Variants in PDK2 observed in about 807,000 individuals in gnomAD.
The protein encoded by PDK2 is pyruvate dehydrogenase kinase, isozyme 2.
PDK2 carries 34 observed loss-of-function variants against 50.4 expected under a neutral mutation model. That is an observed-to-expected ratio of 0.68 (90% CI 0.51 to 0.90). The LOEUF is 0.90. PDK2 is among the 40% of genes least tolerant of loss of function. The pLI is 0.00. For synonymous variants in PDK2, 232 were observed against 216.0 expected (o/e 1.07, Z -0.65); for missense variants, 377 against 544.5 (o/e 0.69, Z 3.06).
chr17:50,099,136 C>T (rs1040837284), intron 2 of PDK2, among the ~76,000 whole-genome samples: 37 of 152,052 alleles, frequency 2.4e-4, no homozygotes, highest in African/African-American at 8.5e-4. Context: ...CACTTCCCAT[C>T]GTGGGTGGTG....
At chr17:50,100,065 G>T (rs146062327) in intron 2 of PDK2, among the ~76,000 whole-genome samples, 2 of 152,328 alleles carry the variant, frequency 1.3e-5, no homozygotes, top group South Asian at 2.1e-4. Context: ...CTGAGAGGAG[G>T]GGGGAGACTT....
chr17:50,107,015 G>A, intron 5 of PDK2, 61 bp from the exon 6 acceptor site: 1 of 1,501,182 alleles, frequency 6.7e-7, no homozygotes, highest in Non-Finnish European at 9.3e-7. Context: ...CAGTATCAAT[G>A]TCAGGAGGAC....
chr17:50,095,363 G>A lies in PDK2; in HGVS notation c.-73G>A. 9.0e-7 allele frequency: 1 copy of A among 1,112,540 alleles called. No individual in the cohort carries two copies. Among genetic ancestry groups the A allele is most frequent in the Non-Finnish European group, 1.3e-6 (1 of 766,200 alleles). The allele number at this position is 1,112,540 out of a possible 1,614,324, so 68.9% of individuals were successfully genotyped here. A position where few individuals can be genotyped will look rare whatever the true frequency, so the allele number is the denominator to read the frequency against. ...AGGGTAGGGAGGAGGCGGCCGAACC[G>A]CGTCGCTGGGCCGAAAGGTGCGCGA... is the stretch of plus-strand genomic sequence containing the variant. On this transcript the variant is annotated 5_prime_UTR_variant, in exon 1 of 11. Coordinates refer to ENST00000503176, the MANE Select transcript of PDK2 (RefSeq NM_002611.5).
upstream of PDK2, among the ~76,000 whole-genome samples, chr17:50,095,058 G>T (rs1192190358): frequency 6.6e-6 from 1 of 152,272 alleles, no homozygotes; most frequent in Non-Finnish European, 1.5e-5. Context: ...AAGAGGAAGC[G>T]AAAGGGCTGG....
At chr17:50,102,727 C>A (rs1192788944) in intron 2 of PDK2, among the ~76,000 whole-genome samples, 1 of 152,116 alleles carries the variant, frequency 6.6e-6, no homozygotes, top group Non-Finnish European at 1.5e-5. Context: ...TGTTAACTTC[C>A]TCATCTGTAA....
rs1909873508 is a variant in PDK2 at position 50,095,360 on chromosome 17, A to G, written c.-76A>G. ...GCAAGGGTAGGGAGGAGGCGGCCGA[A>G]CCGCGTCGCTGGGCCGAAAGGTGCG... is the stretch of plus-strand genomic sequence containing the variant. On this transcript the variant is annotated 5_prime_UTR_variant, in exon 1 of 11. Coordinates refer to ENST00000503176, the MANE Select transcript of PDK2 (RefSeq NM_002611.5). 1.8e-6 allele frequency: 2 copies of G among 1,086,260 alleles called. No homozygotes were observed. Among genetic ancestry groups the G allele is most frequent in the Non-Finnish European group, 2.7e-6 (2 of 744,034 alleles). The allele number at this position is 1,086,260 out of a possible 1,614,324, so 67.3% of individuals were successfully genotyped here.
At position 50,111,559 on chromosome 17, in the gene PDK2, G is replaced by A. The variant is rs75762778; in HGVS notation, c.*1462G>A. Reference sequence around the variant, plus strand: ...GAGTCCCAGGTACAGGGTGCTGGCCGTAAGCCACAGCCCCTGGGCAGGAAT... The same window carrying A: ...GAGTCCCAGGTACAGGGTGCTGGCCATAAGCCACAGCCCCTGGGCAGGAAT... On this transcript the variant is annotated 3_prime_UTR_variant, in exon 11 of 11. Coordinates refer to ENST00000503176, the MANE Select transcript of PDK2 (RefSeq NM_002611.5). 19,845 of 152,244 alleles carry A rather than the reference G, an allele frequency of 0.13. 1,457 individuals carry two copies. The highest frequency in any genetic ancestry group is 0.15 in the Non-Finnish European group (10,218 of 68,048). The allele number at this position is 152,244 out of a possible 1,614,324, so 9.4% of individuals were successfully genotyped here. A position where few individuals can be genotyped will look rare whatever the true frequency, so the allele number is the denominator to read the frequency against.
chr17:50,096,382 T>A (rs1909948126), intron 1 of PDK2: 1 of 758,718 alleles, frequency 1.3e-6, no homozygotes, highest in Non-Finnish European at 1.6e-6. Context: ...GTGTGGGCCC[T>A]GTCTGTCTAT....
chr17:50,095,963 A>G (rs1909916596), intron 1 of PDK2: 13 of 498,540 alleles, frequency 2.6e-5, no homozygotes, highest in Non-Finnish European at 3.4e-5. Flanking sequence ...GGGAGTGAGG[A>G]GGCAGGGTTT....
chr17:50,097,630 G>A (rs890976584), intron 2 of PDK2, 66 bp downstream of exon 2: 31 of 1,571,286 alleles, frequency 2.0e-5, no homozygotes, highest in Non-Finnish European at 2.7e-5. Flanking sequence ...CTCAGGGATG[G>A]CATCTCCAAG....
At position 50,108,473 on chromosome 17, in the gene PDK2, G is replaced by A. The variant is rs546691225; in HGVS notation, c.861+56G>A. The A allele has an allele frequency of 4.8e-6, 7 of 1,467,094 alleles. No homozygotes were observed. In the East Asian group the frequency reaches 6.8e-5, roughly 14 times the overall value. 90.9% of individuals were successfully genotyped at this position (1,467,094 alleles called of 1,614,324 possible). ...GAGCAGTAGTGGGGGCTTCCCTCCT[G>A]CCAGGAGACGGGCTTTCCTTTTCTC... On this transcript the variant is annotated intron_variant, in intron 8 of 10. Transcript: ENST00000503176.
intron 2 of PDK2, among the ~76,000 whole-genome samples, chr17:50,103,363 G>A (rs1285945090): frequency 1.3e-5 from 2 of 152,212 alleles, no homozygotes; most frequent in East Asian, 3.9e-4. Flanking sequence ...CCAACATGCT[G>A]TGATTCAGAG....
At position 50,109,372 on chromosome 17, in the gene PDK2, T is replaced by G; in HGVS notation, c.1055T>G (p.Phe352Cys). 2 of 1,612,818 alleles carry G rather than the reference T, an allele frequency of 1.2e-6. No individual in the cohort carries two copies. Among genetic ancestry groups the G allele is most frequent in the Non-Finnish European group, 1.7e-6 (2 of 1,179,196 alleles). The change falls in exon 10 of 11, where the codon TTT (phenylalanine) becomes TGT (cysteine). Residue 352 changes from phenylalanine (F) to cysteine (C), a missense_variant. Physicochemically the swap from Phe to Cys is radical, Grantham distance 205. Coordinates refer to ENST00000503176, the MANE Select transcript of PDK2 (RefSeq NM_002611.5). This position sits in a 1 kb window ranked among gnomAD's most constrained non-coding sequence, Gnocchi z 5.0. ...CTGCAGCTCTTCTCCATGGAAGGCT[T>G]TGGGACCGATGCTGTCATCTATCTC... is the stretch of plus-strand genomic sequence containing the variant. ...GDLQLFSMEG[F>C]GTDAVIYLKA...
In PDK2 at chr17:50,111,493, G is replaced by A. The variant is rs1175011302; in HGVS notation, c.*1396G>A. On this transcript the variant is annotated 3_prime_UTR_variant, in exon 11 of 11. Coordinates refer to ENST00000503176, the MANE Select transcript of PDK2 (RefSeq NM_002611.5). The stretch of plus-strand genomic sequence containing the variant: ...GTCCTCATATCTGTTTCCCTCCGAA[G>A]CCCCTCTCCCAGCACAGATAGCAGA... 1 of 152,294 alleles carries A rather than the reference G, an allele frequency of 6.6e-6. No individual in the cohort carries two copies. Among genetic ancestry groups the A allele is most frequent in the Non-Finnish European group, 1.5e-5 (1 of 68,108 alleles). 9.4% of individuals were successfully genotyped at this position (152,294 alleles called of 1,614,324 possible).
chr17:50,103,883 C>A (rs1230537137), intron 2 of PDK2, among the ~76,000 whole-genome samples: 1 of 152,112 alleles, frequency 6.6e-6, no homozygotes, highest in Non-Finnish European at 1.5e-5. Context: ...CTGGGGGAGG[C>A]TGTGCGTGGG....
In PDK2 at chr17:50,104,794, C is replaced by A. The variant is rs113276855; in HGVS notation, c.261-577C>A. ...TTCCCACCTGCCATTTTAGAATCCACTTGCCGAGGCAGGTGCCTGGCCCAG... is the reference window on the plus strand; with the variant it reads ...TTCCCACCTGCCATTTTAGAATCCAATTGCCGAGGCAGGTGCCTGGCCCAG... On this transcript the variant is annotated intron_variant, in intron 2 of 10. Coordinates refer to ENST00000503176, the MANE Select transcript of PDK2 (RefSeq NM_002611.5). Among the ~76,000 whole-genome samples the A allele has an allele frequency of 5.1e-3, 773 of 152,374 alleles. 3 individuals carry two copies. The highest frequency in any genetic ancestry group is 0.011 in the African/African-American group (463 of 41,592).
At chr17:50,108,272 G>A in intron 7 of PDK2, 40 bp downstream of exon 7, 1 of 1,606,684 alleles carries the variant, frequency 6.2e-7, no homozygotes, top group Non-Finnish European at 8.5e-7. Context: ...GGGAGCGTGA[G>A]TAGGGCTGGC....
chr17:50,108,875 C>G (rs941770042), intron 9 of PDK2, among the ~76,000 whole-genome samples, 156 bp downstream of exon 9: 6 of 152,154 alleles, frequency 3.9e-5, no homozygotes, highest in African/African-American at 1.4e-4. Context: ...TCTCCCCAGT[C>G]TGCACAGATC....
chr17:50,102,088 C>T (rs899074279), intron 2 of PDK2, among the ~76,000 whole-genome samples: 2 of 152,192 alleles, frequency 1.3e-5, no homozygotes, highest in African/African-American at 2.4e-5. Flanking sequence ...CAGAGGCCAG[C>T]GCCACTCGTC....
Sources: gnomAD v4.1 joint callset for allele counts (sites outside exome capture counted in the v4.1 genomes callset) on GRCh38, gnomAD v4.1.1 for gene constraint, Gnocchi (gnomAD v3.1) non-coding constraint, MANE v1.5 for transcripts, NCBI Gene and HGNC (gene_info 2026-07-23, HGNC 2026-07-21) for gene names.